The following ZFAND3 variants were observed in gnomAD, a reference collection of about 807,000 sequenced individuals.
The protein encoded by ZFAND3 is AN1-type zinc finger protein 3.
In ZFAND3, 10 loss-of-function variants were observed where a neutral mutation model predicts 29.6. The observed-to-expected ratio is 0.34, with a 90% CI of 0.21 to 0.57. The LOEUF (loss-of-function observed/expected upper bound fraction) is 0.57, where lower values mean the gene tolerates loss of function less well. Ranked by LOEUF, ZFAND3 falls within the 20% of genes least tolerant of loss-of-function variation. ZFAND3 has a pLI of 0.86. For synonymous variants in ZFAND3, 128 were observed against 112.6 expected (o/e 1.14, Z -0.87); for missense variants, 230 against 304.5 (o/e 0.76, Z 1.82).
chr6:38,100,096 C>T (rs570729633), intron 4 of ZFAND3, among the ~76,000 whole-genome samples: 1 of 151,794 alleles, frequency 6.6e-6, no homozygotes, highest in African/African-American at 2.4e-5. Flanking sequence ...CTCACTCTGT[C>T]GCCAGTCACC....
At chr6:37,984,744 G>A (rs891641093) in intron 2 of ZFAND3, among the ~76,000 whole-genome samples, 6 of 152,154 alleles carry the variant, frequency 3.9e-5, no homozygotes, top group African/African-American at 1.2e-4. Context: ...TGAGCTACTC[G>A]TCTAGAGGCT....
At chr6:38,029,251 G>T (rs1287842026) in intron 2 of ZFAND3, among the ~76,000 whole-genome samples, 2 of 152,094 alleles carry the variant, frequency 1.3e-5, no homozygotes, top group African/African-American at 4.8e-5. Context: ...AACGAGTACG[G>T]GTGGGTGGCC....
At chr6:38,035,393 G>T (rs878954297) in intron 2 of ZFAND3, among the ~76,000 whole-genome samples, 1 of 152,036 alleles carries the variant, frequency 6.6e-6, no homozygotes, top group East Asian at 1.9e-4. Context: ...TTCAGGACGT[G>T]TCTCACGGTT....
chr6:38,117,231 TA>T (rs1765436346), intron 5 of ZFAND3, among the ~76,000 whole-genome samples: 1 of 151,542 alleles, frequency 6.6e-6, no homozygotes. Context: ...TTAGTTCATC[TA>T]GTCAGTTAAT....
At chr6:38,142,210 T>C (rs770215205) in intron 5 of ZFAND3, 42 of 471,220 alleles carry the variant, frequency 8.9e-5, no homozygotes, top group Admixed American at 1.6e-4. Flanking sequence ...AGTGTGTTGA[T>C]TGAAAGGTCA....
At chr6:37,956,508 T>A (rs979587895) in intron 2 of ZFAND3, among the ~76,000 whole-genome samples, 2 of 151,914 alleles carry the variant, frequency 1.3e-5, no homozygotes, top group African/African-American at 4.8e-5. Context: ...TGACATAGAT[T>A]ATAGAAAGGG....
intron 1 of ZFAND3, among the ~76,000 whole-genome samples, chr6:37,921,710 T>G (rs556831025): frequency 6.6e-6 from 1 of 152,132 alleles, no homozygotes; most frequent in Admixed American, 6.5e-5. Flanking sequence ...AAGAAACATT[T>G]AACAACATAA....
intron 3 of ZFAND3, among the ~76,000 whole-genome samples, chr6:38,077,249 G>A (rs2127469130): frequency 6.6e-6 from 1 of 152,052 alleles, no homozygotes; most frequent in South Asian, 2.1e-4. Context: ...GAGAATTGTA[G>A]CCCTTTAATT....
chr6:38,043,594 C>G (rs1763838299), intron 2 of ZFAND3, among the ~76,000 whole-genome samples: 1 of 149,540 alleles, frequency 6.7e-6, no homozygotes, highest in African/African-American at 2.5e-5. Flanking sequence ...TCCCCTTCAC[C>G]TCCTTCTCTT....
intron 2 of ZFAND3, among the ~76,000 whole-genome samples, chr6:37,978,851 G>C (rs1435179416): frequency 6.6e-6 from 1 of 152,148 alleles, no homozygotes; most frequent in African/African-American, 2.4e-5. Context: ...TTTTAGTAGA[G>C]ATGGGGTTTT....
intron 2 of ZFAND3, among the ~76,000 whole-genome samples, chr6:37,946,244 C>G (rs1761899473): frequency 6.6e-6 from 1 of 152,160 alleles, no homozygotes; most frequent in Admixed American, 6.5e-5. Context: ...CCTACCTGAT[C>G]TCTATGTGAC....
chr6:38,152,911 G>A lies in ZFAND3; in HGVS notation c.*522G>A. The A allele has an allele frequency of 1.0e-6, 1 of 985,974 alleles. No homozygotes were observed. Among genetic ancestry groups the A allele is most frequent in the African/African-American group, 1.7e-5 (1 of 57,374 alleles). 61.1% of individuals were successfully genotyped at this position (985,974 alleles called of 1,614,324 possible). A position where few individuals can be genotyped will look rare whatever the true frequency, so the allele number is the denominator to read the frequency against. ...GGAGGCTGCTGAGATTGGCCACGTGGCTGGGCTGGGTGGTGGCCTCACTCT... is the reference window on the plus strand; with the variant it reads ...GGAGGCTGCTGAGATTGGCCACGTGACTGGGCTGGGTGGTGGCCTCACTCT... On this transcript the variant is annotated 3_prime_UTR_variant, in exon 6 of 6. Coordinates refer to ENST00000287218, the MANE Select transcript of ZFAND3 (RefSeq NM_021943.3).
chr6:37,984,163 T>C (rs1009530359), intron 2 of ZFAND3, among the ~76,000 whole-genome samples: 12 of 152,218 alleles, frequency 7.9e-5, no homozygotes, highest in Admixed American at 7.2e-4. Context: ...CCATAATGTG[T>C]CTTATATTTA....
intron 2 of ZFAND3, among the ~76,000 whole-genome samples, chr6:38,034,151 C>A (rs1168080514): frequency 6.6e-6 from 1 of 152,146 alleles, no homozygotes; most frequent in Non-Finnish European, 1.5e-5. Flanking sequence ...TCAGTTTCAT[C>A]TTTTGTGTGA....
intron 5 of ZFAND3, among the ~76,000 whole-genome samples, chr6:38,144,188 T>TATATTATATATATATATATA: frequency 2.6e-5 from 1 of 38,848 alleles, no homozygotes; most frequent in East Asian, 3.5e-4. Context: ...ATATATAATA[T>TATATTATATATATATATATA]ATATATATAT....
At chr6:37,889,086 G>A (rs1022065943) in intron 1 of ZFAND3, among the ~76,000 whole-genome samples, 3 of 152,102 alleles carry the variant, frequency 2.0e-5, no homozygotes, top group Non-Finnish European at 4.4e-5. Context: ...GTGGTTCCAG[G>A]TTGGGTTCAG....
chr6:38,133,901 C>T (rs2127492402), intron 5 of ZFAND3, among the ~76,000 whole-genome samples: 1 of 152,256 alleles, frequency 6.6e-6, no homozygotes, highest in Admixed American at 6.5e-5. Flanking sequence ...TTTCATATCC[C>T]CAAGCTGGCC....
chr6:38,045,058 ATTT>A (rs1763870865), intron 2 of ZFAND3, among the ~76,000 whole-genome samples: 1 of 99,004 alleles, frequency 1.0e-5, no homozygotes, highest in African/African-American at 3.6e-5. Flanking sequence ...AAATTCTTTT[ATTT>A]ATTTATTTAT....
intron 2 of ZFAND3, among the ~76,000 whole-genome samples, chr6:38,035,321 A>AT (rs1763637378): frequency 6.6e-6 from 1 of 152,038 alleles, no homozygotes; most frequent in Non-Finnish European, 1.5e-5. Flanking sequence ...TAGCCAAGGC[A>AT]TTTTTCTCTA....
Sources: allele counts gnomAD v4.1 joint callset (sites outside exome capture counted in the v4.1 genomes callset), GRCh38; gene constraint gnomAD v4.1.1; transcripts MANE v1.5; gene names NCBI Gene and HGNC (gene_info 2026-07-23, HGNC 2026-07-21).